TYW1B: variants seen among roughly 807,000 people sequenced by gnomAD.
TYW1B encodes the protein S-adenosyl-L-methionine-dependent tRNA 4-demethylwyosine synthase TYW1B.
In TYW1B, 73 loss-of-function variants were observed where a neutral mutation model predicts 86.9. The ratio of observed to expected loss-of-function variants is 0.84; its 90% CI spans 0.70 to 1.02. The LOEUF (loss-of-function observed/expected upper bound fraction) is 1.02. TYW1B is among the 50% of genes least tolerant of loss of function. The probability of loss-of-function intolerance (pLI) is 0.00; values close to 1 mark genes in which losing one functional copy is unlikely to be tolerated. For synonymous variants in TYW1B, 248 were observed against 292.8 expected (o/e 0.85, Z 1.56); for missense variants, 637 against 827.4 (o/e 0.77, Z 2.82).
At chr7:72,755,665 C>A (rs1281086479) in intron 7 of TYW1B, among the ~76,000 whole-genome samples, 2 of 152,090 alleles carry the variant, frequency 1.3e-5, no homozygotes, top group South Asian at 2.1e-4. Context: ...CTGTCTCAAA[C>A]TGAAAAAGAA....
chr7:72,652,759 G>C lies in TYW1B; in HGVS notation c.1507-23762C>G, dbSNP rs2844167. On this transcript the variant is annotated intron_variant, in intron 11 of 13. Coordinates refer to ENST00000620995, the MANE Select transcript of TYW1B (RefSeq NM_001145440.3). ...GCTGATAATGATGAAATATTAACATGTGGAGTTGTACTTCATCATGTAAGA... is the reference window on the plus strand; with the variant it reads ...GCTGATAATGATGAAATATTAACATCTGGAGTTGTACTTCATCATGTAAGA... 2.7e-3 allele frequency among the ~76,000 whole-genome samples: 411 copies of C among 152,018 alleles called. 4 individuals carry two copies. Among genetic ancestry groups the C allele is most frequent in the African/African-American group, 8.6e-3 (357 of 41,314 alleles).
In TYW1B at chr7:72,579,557, T is replaced by C. The variant is rs116495959; in HGVS notation, c.1786-3838A>G. ...GAGGGCTCTCTTCCTGTCTTGCAGG[T>C]GGCTGCCTTCTTGCTTTGTCCCACA... On this transcript the variant is annotated intron_variant, in intron 13 of 13. Coordinates refer to ENST00000620995, the MANE Select transcript of TYW1B (RefSeq NM_001145440.3). 6.0e-3 allele frequency among the ~76,000 whole-genome samples: 912 copies of C among 152,320 alleles called. 8 individuals are homozygous for C. The highest frequency in any genetic ancestry group is 0.02 in the African/African-American group (834 of 41,578).
chr7:72,763,171 A>T lies in TYW1B; in HGVS notation c.964+14245T>A, dbSNP rs185064100. Among the ~76,000 whole-genome samples, 26 of 152,056 alleles carry T rather than the reference A, an allele frequency of 1.7e-4. No individual in the cohort carries two copies. In the East Asian group the frequency reaches 5.0e-3, roughly 29 times the overall value. On this transcript the variant is annotated intron_variant, in intron 7 of 13. Coordinates refer to ENST00000620995, the MANE Select transcript of TYW1B (RefSeq NM_001145440.3). Reference sequence around the variant, plus strand: ...TAACTGGCCTTTAAAAAAAAAACCAAAAGATTTTATGTTTTATCAAGATAA... The same window carrying T: ...TAACTGGCCTTTAAAAAAAAAACCATAAGATTTTATGTTTTATCAAGATAA...
At chr7:72,609,030 T>C (rs1554435408) in intron 13 of TYW1B, among the ~76,000 whole-genome samples, 1 of 152,206 alleles carries the variant, frequency 6.6e-6, no homozygotes, top group East Asian at 1.9e-4. Flanking sequence ...ATTTCCTGAT[T>C]TTGATAACGT....
chr7:72,754,083 G>A (rs567494155), intron 7 of TYW1B, among the ~76,000 whole-genome samples: 5 of 152,074 alleles, frequency 3.3e-5, no homozygotes, highest in Non-Finnish European at 7.4e-5. Context: ...AGCCTGTCTT[G>A]ATATTCTTGT....
At chr7:72,750,605 T>C (rs1787483284) in intron 7 of TYW1B, among the ~76,000 whole-genome samples, 3 of 152,162 alleles carry the variant, frequency 2.0e-5, no homozygotes, top group African/African-American at 4.8e-5. Context: ...TTGATGTCTT[T>C]CATCAAATTT....
At chr7:72,817,209 G>A (rs1333999088) in intron 2 of TYW1B, among the ~76,000 whole-genome samples, 1 of 152,218 alleles carries the variant, frequency 6.6e-6, no homozygotes, top group East Asian at 1.9e-4. Context: ...TTCGAGACCG[G>A]CCTGACCAAC....
At position 72,828,170 on chromosome 7, in the gene TYW1B, T is replaced by G. The variant is rs1294562121; in HGVS notation, c.-95A>C. 1.5e-5 allele frequency: 23 copies of G among 1,586,050 alleles called. No homozygotes were observed. The highest frequency in any genetic ancestry group is 1.9e-5 in the Non-Finnish European group (22 of 1,165,876). On this transcript the variant is annotated 5_prime_UTR_variant, in exon 1 of 14. Coordinates refer to ENST00000620995, the MANE Select transcript of TYW1B (RefSeq NM_001145440.3). ...AGACGCACCGAGCTACCTCGCGGCG[T>G]TAGCGCCGTACCGAGTGGCTGCAGA...
chr7:72,599,728 C>T (rs1358250872), intron 13 of TYW1B, among the ~76,000 whole-genome samples: 2 of 152,010 alleles, frequency 1.3e-5, no homozygotes, highest in South Asian at 2.1e-4. Context: ...AAATTAATTG[C>T]TTTCCTATAT....
intron 3 of TYW1B, among the ~76,000 whole-genome samples, chr7:72,811,309 G>GAAAAAAT: frequency 1.0e-5 from 1 of 97,744 alleles, no homozygotes; most frequent in African/African-American, 3.4e-5. Flanking sequence ...AAAGAAAAAA[G>GAAAAAAT]AAAAGAAAAA....
chr7:72,756,201 T>A (rs184212065), intron 7 of TYW1B, among the ~76,000 whole-genome samples: 5 of 138,788 alleles, frequency 3.6e-5, no homozygotes, highest in African/African-American at 1.3e-4. Flanking sequence ...GTTTATTATT[T>A]TTTTATTTTA....
At chr7:72,677,690 A>T (rs1813766867) in intron 11 of TYW1B, among the ~76,000 whole-genome samples, 1 of 151,934 alleles carries the variant, frequency 6.6e-6, no homozygotes, top group Non-Finnish European at 1.5e-5. Flanking sequence ...TTGTGTGGAT[A>T]TATGGTATCC....
chr7:72,681,103 C>T lies in TYW1B; in HGVS notation c.1506+13584G>A, dbSNP rs1364150080. On this transcript the variant is annotated intron_variant, in intron 11 of 13. Transcript: ENST00000620995. ...AAAGTGAGTCCCTTGCCCAAAATTA[C>T]ACACACAATAGGTGGCAGAGCCAGT... 3.9e-5 allele frequency among the ~76,000 whole-genome samples: 6 copies of T among 152,294 alleles called. No individual in the cohort carries two copies. The East Asian group carries it at 1.2e-3, about 29-fold the overall frequency.
At chr7:72,616,897 G>A in intron 12 of TYW1B, 58 bp from the exon 13 acceptor site, 1 of 1,595,786 alleles carries the variant, frequency 6.3e-7, no homozygotes, top group Admixed American at 1.7e-5. Flanking sequence ...TGTCATAGAA[G>A]ACTTTCAGAG....
chr7:72,713,032 C>A (rs1218215741), intron 10 of TYW1B, among the ~76,000 whole-genome samples: 3 of 152,042 alleles, frequency 2.0e-5, no homozygotes, highest in Admixed American at 2.0e-4. Context: ...GGCGCAGTGG[C>A]TCACACCTGT....
chr7:72,634,341 GCTTTTTTTTTTTTT>G (rs1812616470), intron 11 of TYW1B, among the ~76,000 whole-genome samples: 1 of 116,724 alleles, frequency 8.6e-6, no homozygotes. Context: ...GCCACTCCTA[GCTTTTTTTTTTTTT>G]CTTTTTTTTT....
intron 5 of TYW1B, among the ~76,000 whole-genome samples, chr7:72,805,549 G>A (rs1317677245): frequency 2.6e-5 from 4 of 151,706 alleles, no homozygotes; most frequent in South Asian, 2.1e-4. Context: ...GGAGGTTGAG[G>A]CTGCAGTGAG....
intron 11 of TYW1B, among the ~76,000 whole-genome samples, chr7:72,637,871 G>C (rs1205897617): frequency 4.0e-5 from 6 of 150,466 alleles, no homozygotes; most frequent in African/African-American, 1.2e-4. Flanking sequence ...GGCAGCTCTT[G>C]GCAAATTTCA....
intron 11 of TYW1B, among the ~76,000 whole-genome samples, chr7:72,651,714 G>A (rs58183791): frequency 7.9e-3 from 1,099 of 139,298 alleles, no homozygotes; most frequent in African/African-American, 0.03. Context: ...AATAAAACAC[G>A]TTTGCAAGTC....
Sources: gnomAD v4.1 joint callset for allele counts (sites outside exome capture counted in the v4.1 genomes callset) on GRCh38, gnomAD v4.1.1 for gene constraint, MANE v1.5 for transcripts, NCBI Gene and HGNC (gene_info 2026-07-23, HGNC 2026-07-21) for gene names.